Variants in CCAR1 observed in about 807,000 individuals in gnomAD.
The protein encoded by CCAR1 is cell division cycle and apoptosis regulator 1.
A neutral mutation model predicts 163.8 loss-of-function variants in CCAR1; 78 were observed. The observed-to-expected ratio is 0.48, with a 90% CI of 0.40 to 0.57. The LOEUF (loss-of-function observed/expected upper bound fraction) is 0.57. CCAR1 is among the 20% of genes least tolerant of loss of function. The pLI, the probability that CCAR1 is intolerant of heterozygous loss-of-function variation, is 0.00. For missense variants in CCAR1, 1,019 were observed against 1,365.2 expected, an observed-to-expected ratio of 0.75 and a Z score of 4.00; for synonymous variants, 443 against 460.7, an observed-to-expected ratio of 0.96 and a Z score of 0.49.
At chr10:68,787,190 A>T (rs1213462775) in intron 21 of CCAR1, among the ~76,000 whole-genome samples, 1 of 151,940 alleles carries the variant, frequency 6.6e-6, no homozygotes, top group African/African-American at 2.4e-5. Flanking sequence ...AAAATTCTAG[A>T]TCTTTTTGTA....
chr10:68,749,104 C>G (rs200653197), intron 8 of CCAR1, 32 bp from the exon 9 acceptor site: 2 of 1,613,050 alleles, frequency 1.2e-6, no homozygotes, highest in South Asian at 1.1e-5. Context: ...TGTTTAGACA[C>G]GCTAAACGTT....
chr10:68,754,772 C>T lies in CCAR1; in HGVS notation c.1403C>T (p.Ala468Val). ...TTATATCATAAGTCATGTGCTCTTG[C>T]TGAGGACCCACAAGAACTTCGAGAT... ...EDLYHKSCAL[A>V]EDPQELRDGF... Residue 468 changes from alanine (A) to valine (V), a missense_variant, in exon 12 of 25, where the codon GCT (alanine) becomes GTT (valine). Ala to Val is a moderately conservative substitution (Grantham distance 64). This residue lies in a region of CCAR1 where 644 missense variants were observed against 904.4 expected (regional missense o/e 0.71). Transcript: ENST00000265872. The T allele has an allele frequency of 2.5e-6, 4 of 1,612,570 alleles. No individual in the cohort carries two copies. Among genetic ancestry groups the T allele is most frequent in the Non-Finnish European group, 3.4e-6 (4 of 1,178,706 alleles).
At chr10:68,737,142 AT>A (rs2056122236) in intron 3 of CCAR1, 94 bp downstream of exon 3, 2 of 825,544 alleles carry the variant, frequency 2.4e-6, no homozygotes, top group Admixed American at 5.1e-5. Flanking sequence ...GTAGTGAAGA[AT>A]TATGTGTTTT....
At chr10:68,777,404 G>T (rs1238513143) in intron 19 of CCAR1, among the ~76,000 whole-genome samples, 1 of 152,122 alleles carries the variant, frequency 6.6e-6, no homozygotes. Context: ...GTTCAGGCTG[G>T]GCATGGTGGC....
At chr10:68,745,167 G>A (rs551053477) in intron 6 of CCAR1, among the ~76,000 whole-genome samples, 6 of 151,810 alleles carry the variant, frequency 4.0e-5, no homozygotes, top group East Asian at 3.9e-4. Flanking sequence ...CACCACACCC[G>A]GCTAATTTTT....
intron 6 of CCAR1, among the ~76,000 whole-genome samples, chr10:68,746,859 T>G (rs1016477517): frequency 2.0e-5 from 3 of 152,146 alleles, no homozygotes; most frequent in African/African-American, 7.2e-5. Flanking sequence ...ATTACAGGCA[T>G]GAACCACCAC....
At chr10:68,774,694 C>T (rs2056642347) in intron 19 of CCAR1, among the ~76,000 whole-genome samples, 2 of 151,596 alleles carry the variant, frequency 1.3e-5, no homozygotes, top group Middle Eastern at 3.2e-3. Context: ...CAAAAGAGTA[C>T]ATATAGAGTT....
rs1463135935 is a variant in CCAR1 at position 68,792,053 on chromosome 10, A to G, written c.*787A>G. ...GCAGCTACACTCCAGCCTGGGCGAC[A>G]AGAGTGAAACTCCATCTCAAAAAGA... On this transcript the variant is annotated 3_prime_UTR_variant, in exon 25 of 25. Coordinates refer to ENST00000265872, the MANE Select transcript of CCAR1 (RefSeq NM_018237.4). The G allele has an allele frequency of 1.3e-5, 2 of 152,110 alleles. No individual in the cohort carries two copies. Among genetic ancestry groups the G allele is most frequent in the South Asian group, 2.1e-4 (1 of 4,810 alleles). 9.4% of individuals were successfully genotyped at this position (152,110 alleles called of 1,614,324 possible).
chr10:68,770,490 C>T (rs200211623), intron 17 of CCAR1, among the ~76,000 whole-genome samples: 3 of 152,190 alleles, frequency 2.0e-5, no homozygotes, highest in South Asian at 2.1e-4. Flanking sequence ...CACCTGTAAT[C>T]GCAGCACTTT....
intron 19 of CCAR1, among the ~76,000 whole-genome samples, chr10:68,780,294 A>G (rs1474234436): frequency 6.6e-6 from 1 of 152,140 alleles, no homozygotes; most frequent in Non-Finnish European, 1.5e-5. Flanking sequence ...CTCCTGGCTC[A>G]TGTGATTCTC....
At chr10:68,765,820 T>C (rs571040704) in intron 16 of CCAR1, 68 bp from the exon 17 acceptor site, 2 of 1,029,360 alleles carry the variant, frequency 1.9e-6, no homozygotes, top group East Asian at 5.1e-5. Context: ...TCAATATATA[T>C]TCATCTTGCA....
At chr10:68,780,457 C>T (rs980894482) in intron 19 of CCAR1, among the ~76,000 whole-genome samples, 3 of 152,134 alleles carry the variant, frequency 2.0e-5, no homozygotes, top group South Asian at 2.1e-4. Flanking sequence ...CCTCCCAAAG[C>T]GATGTGATGA....
intron 19 of CCAR1, among the ~76,000 whole-genome samples, chr10:68,784,603 C>T (rs1330461102): frequency 6.6e-6 from 1 of 152,090 alleles, no homozygotes; most frequent in Non-Finnish European, 1.5e-5. Flanking sequence ...AGGCTGAGTG[C>T]AGAGGTGCAG....
chr10:68,780,682 C>CT (rs1226317974), intron 19 of CCAR1, among the ~76,000 whole-genome samples: 2 of 152,142 alleles, frequency 1.3e-5, no homozygotes, highest in Non-Finnish European at 2.9e-5. Context: ...GCCACTTTGA[C>CT]TTTCTTTCAC....
At chr10:68,770,440 C>G (rs1329534856) in intron 17 of CCAR1, among the ~76,000 whole-genome samples, 1 of 152,142 alleles carries the variant, frequency 6.6e-6, no homozygotes, top group Non-Finnish European at 1.5e-5. Flanking sequence ...GTACACTTAT[C>G]ATGAAGATTA....
chr10:68,753,060 C>A (rs2056354375), intron 10 of CCAR1, among the ~76,000 whole-genome samples: 1 of 71,482 alleles, frequency 1.4e-5, no homozygotes, highest in Admixed American at 1.4e-4. Flanking sequence ...GACATCTCTG[C>A]ATGTAGATTA....
intron 19 of CCAR1, among the ~76,000 whole-genome samples, chr10:68,776,454 T>A (rs2056668519): frequency 6.6e-6 from 1 of 152,010 alleles, no homozygotes; most frequent in South Asian, 2.1e-4. Context: ...TAATCCCAGC[T>A]ACTTGGGAGG....
chr10:68,722,980 T>C (rs17553484), intron 2 of CCAR1, among the ~76,000 whole-genome samples: 17,438 of 152,074 alleles, frequency 0.11, 1,054 homozygotes, highest in South Asian at 0.16. Context: ...TATTGTAAAG[T>C]GTTTGCAAAT....
intron 10 of CCAR1, among the ~76,000 whole-genome samples, chr10:68,752,213 C>T (rs892997029): frequency 2.0e-5 from 3 of 152,028 alleles, no homozygotes; most frequent in African/African-American, 4.8e-5. Flanking sequence ...CCACCGCACC[C>T]GGCCTCACAG....
Sources: allele counts gnomAD v4.1 joint callset (sites outside exome capture counted in the v4.1 genomes callset), GRCh38; gene constraint gnomAD v4.1.1; regional missense constraint gnomAD v4.1.1; transcripts MANE v1.5; gene names NCBI Gene and HGNC (gene_info 2026-07-23, HGNC 2026-07-21).